The following PTK2 variants were observed in gnomAD, a reference collection of about 807,000 sequenced individuals.
PTK2 encodes protein tyrosine kinase 2.
PTK2 carries 45 observed loss-of-function variants against 150.1 expected under a neutral mutation model. The ratio of observed to expected loss-of-function variants is 0.30; its 90% CI spans 0.24 to 0.38. The LOEUF is 0.38. Ranked by LOEUF, PTK2 falls within the 10% of genes least tolerant of loss-of-function variation. The probability of loss-of-function intolerance (pLI) is 1.00; values close to 1 mark genes in which losing one functional copy is unlikely to be tolerated. For synonymous variants in PTK2, 432 were observed against 449.2 expected (o/e 0.96, Z 0.48); for missense variants, 919 against 1,307.3 (o/e 0.70, Z 4.58).
chr8:140,729,725 A>C (rs540045813), intron 22 of PTK2, among the ~76,000 whole-genome samples: 3 of 152,282 alleles, frequency 2.0e-5, no homozygotes, highest in African/African-American at 7.2e-5. Flanking sequence ...AGTCCAAATC[A>C]TAAGATGGCA....
Position 140,689,789 on chromosome 8 carries a change from T to TA in PTK2, c.2500-3096dup, listed in dbSNP as rs1428655717. Among the ~76,000 whole-genome samples the TA allele has an allele frequency of 2.6e-5, 4 of 152,338 alleles. No homozygotes were observed. In the East Asian group the frequency reaches 7.7e-4, roughly 29 times the overall value. The stretch of plus-strand genomic sequence containing the variant: ...ATTCTTTGTACCATTCTTGTAACTT[T>TA]AAAAAACTCTGAAACTATCCTTTCC... On this transcript the variant is annotated intron_variant, in intron 26 of 31. Transcript: ENST00000522684.
At position 140,951,778 on chromosome 8, in the gene PTK2, G is replaced by C. The variant is rs115144267; in HGVS notation, c.-121-26029C>G. Among the ~76,000 whole-genome samples the C allele has an allele frequency of 3.5e-3, 525 of 152,054 alleles. 6 individuals carry two copies. Among genetic ancestry groups the C allele is most frequent in the African/African-American group, 0.012 (507 of 41,470 alleles). On this transcript the variant is annotated intron_variant, in intron 1 of 31. Coordinates refer to ENST00000522684, the Ensembl canonical transcript of PTK2. Reference sequence around the variant, plus strand: ...ATGTGCCTATAGTTCCAGCTACTTGGGAGACTGAAATGGGCGCATCATTTG... The same window carrying C: ...ATGTGCCTATAGTTCCAGCTACTTGCGAGACTGAAATGGGCGCATCATTTG...
chr8:140,885,397 C>T (rs1446788973), intron 3 of PTK2, among the ~76,000 whole-genome samples: 2 of 152,154 alleles, frequency 1.3e-5, no homozygotes, highest in Admixed American at 6.5e-5. Context: ...CTGTTAAAGA[C>T]ATTGGCAATA....
chr8:140,789,350 G>T, intron 14 of PTK2, 124 bp downstream of exon 14: 1 of 848,444 alleles, frequency 1.2e-6, no homozygotes. Flanking sequence ...TGCAAATTTG[G>T]ATAGCCAGAA....
At position 140,934,334 on chromosome 8, in the gene PTK2, G is replaced by A. The variant is rs144212440; in HGVS notation, c.-121-8585C>T. On this transcript the variant is annotated intron_variant, in intron 1 of 31. Transcript: ENST00000522684. ...GAGGCAGGAGGACAGCTTAAGGACA[G>A]GAGTCTGAGGCTGTCAGCATACCAT... Among the ~76,000 whole-genome samples, 662 of 152,274 alleles carry A rather than the reference G, an allele frequency of 4.3e-3. 4 individuals are homozygous for A. Among genetic ancestry groups the A allele is most frequent in the African/African-American group, 0.015 (631 of 41,562 alleles).
At chr8:140,885,404 A>G (rs1390899952) in intron 3 of PTK2, among the ~76,000 whole-genome samples, 1 of 152,206 alleles carries the variant, frequency 6.6e-6, no homozygotes, top group African/African-American at 2.4e-5. Flanking sequence ...AGACATTGGC[A>G]ATAATACCAT....
intron 5 of PTK2, among the ~76,000 whole-genome samples, chr8:140,857,854 C>T (rs1207636496): frequency 4.6e-5 from 7 of 152,044 alleles, no homozygotes; most frequent in Non-Finnish European, 7.4e-5. Context: ...CTAGGTAGGC[C>T]CTCAAGATTT....
At chr8:140,916,429 A>G (rs1412867736) in intron 2 of PTK2, among the ~76,000 whole-genome samples, 1 of 152,206 alleles carries the variant, frequency 6.6e-6, no homozygotes, top group Non-Finnish European at 1.5e-5. Context: ...CTCTACCTAT[A>G]CAATCAACTT....
chr8:140,700,467 C>T (rs2154075101), intron 26 of PTK2, among the ~76,000 whole-genome samples: 1 of 151,762 alleles, frequency 6.6e-6, no homozygotes, highest in South Asian at 2.1e-4. Context: ...CCACCACATC[C>T]AGCCATATTA....
chr8:140,930,784 A>G (rs1168833536), intron 1 of PTK2, among the ~76,000 whole-genome samples: 3 of 152,212 alleles, frequency 2.0e-5, no homozygotes, highest in Non-Finnish European at 4.4e-5. Flanking sequence ...GGAAAAAAAG[A>G]AAATACAGGC....
intron 2 of PTK2, among the ~76,000 whole-genome samples, chr8:140,901,975 A>G (rs954234655): frequency 1.3e-5 from 2 of 151,998 alleles, no homozygotes; most frequent in Non-Finnish European, 2.9e-5. Context: ...CGTCCCTGCA[A>G]AGGACATCAA....
chr8:140,794,718 C>G (rs1268899858), intron 12 of PTK2, among the ~76,000 whole-genome samples: 1 of 152,188 alleles, frequency 6.6e-6, no homozygotes, highest in East Asian at 1.9e-4. Flanking sequence ...CCTTATCTCC[C>G]TGGCCTGATG....
Position 140,702,716 on chromosome 8 carries a change from G to C in PTK2, c.2230-9C>G. On this transcript the variant is annotated splice_polypyrimidine_tract_variant and intron_variant, in intron 24 of 31. Transcript: ENST00000522684. The stretch of plus-strand genomic sequence containing the variant: ...CCAGGGTAGCCAGAAACCTGTGAAT[G>C]AGTAAGGAGGCAAGGTAATGTTCAA... 1 of 1,612,806 alleles carries C rather than the reference G, an allele frequency of 6.2e-7. No homozygotes were observed. The highest frequency in any genetic ancestry group is 1.3e-5 in the African/African-American group (1 of 75,022).
chr8:140,805,151 C>G (rs903850670), intron 10 of PTK2, among the ~76,000 whole-genome samples: 4 of 152,152 alleles, frequency 2.6e-5, no homozygotes, highest in African/African-American at 9.7e-5. Context: ...ACTCATGCAT[C>G]CAGCTCCCTA....
At chr8:140,788,465 T>C (rs898679445) in intron 14 of PTK2, among the ~76,000 whole-genome samples, 3 of 152,046 alleles carry the variant, frequency 2.0e-5, no homozygotes, top group Admixed American at 6.6e-5. Context: ...AGGCGGATCA[T>C]CTGAGGTCAG....
chr8:140,706,068 A>C, intron 24 of PTK2, 51 bp downstream of exon 27: 9 of 1,407,842 alleles, frequency 6.4e-6, no homozygotes, highest in South Asian at 2.4e-5. Context: ...TCTACCCCAA[A>C]AGCGCTAAAT....
At chr8:140,976,291 A>G (rs1414826074) in intron 1 of PTK2, among the ~76,000 whole-genome samples, 2 of 152,224 alleles carry the variant, frequency 1.3e-5, no homozygotes, top group Non-Finnish European at 2.9e-5. Flanking sequence ...TAGACACTTC[A>G]ATTACTAATG....
intron 8 of PTK2, 101 bp from the exon 9 acceptor site, chr8:140,819,121 C>G: frequency 5.1e-6 from 6 of 1,177,100 alleles, no homozygotes; most frequent in Non-Finnish European, 7.0e-6. Context: ...CTTACTAACA[C>G]CTACATTCAA....
intron 14 of PTK2, among the ~76,000 whole-genome samples, chr8:140,788,675 C>T (rs1232508221): frequency 6.6e-6 from 1 of 152,062 alleles, no homozygotes; most frequent in Non-Finnish European, 1.5e-5. Context: ...CAGAGTGAGA[C>T]TCTGTCTCAA....
Sources: allele counts gnomAD v4.1 joint callset (sites outside exome capture counted in the v4.1 genomes callset), GRCh38; gene constraint gnomAD v4.1.1; transcripts MANE v1.5; gene names NCBI Gene and HGNC (gene_info 2026-07-23, HGNC 2026-07-21).